Variants in SNX30 observed in about 807,000 individuals in gnomAD.
SNX30 encodes the protein sorting nexin-30.
In SNX30, 24 loss-of-function variants were observed where a neutral mutation model predicts 46.4. The observed-to-expected ratio is 0.52, with a 90% CI of 0.37 to 0.73. SNX30 has a LOEUF of 0.73. Ranked by LOEUF, SNX30 falls within the 30% of genes least tolerant of loss-of-function variation. The pLI, the probability that SNX30 is intolerant of heterozygous loss-of-function variation, is 0.00. For synonymous variants in SNX30, 189 were observed against 211.5 expected (o/e 0.89, Z 0.92); for missense variants, 533 against 555.7 (o/e 0.96, Z 0.41).
At chr9:112,817,670 C>A (rs751822801) in intron 2 of SNX30, 35 bp from the exon 3 acceptor site, 1 of 1,269,162 alleles carries the variant, frequency 7.9e-7, no homozygotes, top group East Asian at 2.3e-5. Context: ...ATGCTATTCC[C>A]TTATGCTTAT....
intron 4 of SNX30, among the ~76,000 whole-genome samples, chr9:112,834,733 G>A (rs1423190682): frequency 6.6e-6 from 1 of 152,138 alleles, no homozygotes; most frequent in African/African-American, 2.4e-5. Flanking sequence ...GAAGGACAGA[G>A]AGATTCTGTT....
intron 1 of SNX30, among the ~76,000 whole-genome samples, chr9:112,771,866 C>T (rs1291071528): frequency 6.6e-6 from 1 of 152,178 alleles, no homozygotes; most frequent in Non-Finnish European, 1.5e-5. Flanking sequence ...CAAATCTGTT[C>T]AGGTCAAATA....
intron 2 of SNX30, among the ~76,000 whole-genome samples, chr9:112,809,513 C>G (rs1230856340): frequency 6.6e-6 from 1 of 151,938 alleles, no homozygotes; most frequent in African/African-American, 2.4e-5. Flanking sequence ...GCCTTCAATT[C>G]CCTTCAGGGT....
chr9:112,861,948 G>A (rs1841244154), intron 7 of SNX30, among the ~76,000 whole-genome samples: 1 of 152,162 alleles, frequency 6.6e-6, no homozygotes, highest in South Asian at 2.1e-4. Flanking sequence ...ACGATATCTT[G>A]CCTCAGTGTC....
chr9:112,842,455 G>A (rs1840874706), intron 6 of SNX30, among the ~76,000 whole-genome samples: 1 of 152,242 alleles, frequency 6.6e-6, no homozygotes, highest in South Asian at 2.1e-4. Flanking sequence ...GTCCCTCCCT[G>A]GATGGGAAAA....
At chr9:112,868,225 A>G (rs1841391272) in intron 8 of SNX30, among the ~76,000 whole-genome samples, 1 of 152,228 alleles carries the variant, frequency 6.6e-6, no homozygotes, top group South Asian at 2.1e-4. Flanking sequence ...TTTGGACATA[A>G]TAAAACTCAA....
chr9:112,760,498 G>A (rs1431076221), intron 1 of SNX30, among the ~76,000 whole-genome samples: 1 of 152,154 alleles, frequency 6.6e-6, no homozygotes, highest in African/African-American at 2.4e-5. Flanking sequence ...GGATGATGGG[G>A]GAAAGAATGT....
chr9:112,782,117 A>C (rs1459483056), intron 1 of SNX30, among the ~76,000 whole-genome samples: 1 of 151,882 alleles, frequency 6.6e-6, no homozygotes, highest in African/African-American at 2.4e-5. Flanking sequence ...TCCAGGCTGG[A>C]GTGCAATGGT....
intron 1 of SNX30, among the ~76,000 whole-genome samples, chr9:112,770,229 T>C (rs1297178278): frequency 6.6e-6 from 1 of 152,088 alleles, no homozygotes; most frequent in Non-Finnish European, 1.5e-5. Flanking sequence ...TGGAGTGTTG[T>C]GGTGCGGTTT....
chr9:112,818,660 G>A (rs1311104519), intron 3 of SNX30, among the ~76,000 whole-genome samples: 1 of 152,174 alleles, frequency 6.6e-6, no homozygotes, highest in African/African-American at 2.4e-5. Flanking sequence ...CCTCAGAGGG[G>A]CTGATTTATC....
intron 1 of SNX30, among the ~76,000 whole-genome samples, chr9:112,784,912 C>T (rs1481050550): frequency 6.6e-6 from 1 of 152,186 alleles, no homozygotes; most frequent in Non-Finnish European, 1.5e-5. Flanking sequence ...GGCTCCCTTT[C>T]CTCCACATCT....
At chr9:112,754,354 T>C (rs1839317698) in intron 1 of SNX30, among the ~76,000 whole-genome samples, 1 of 151,506 alleles carries the variant, frequency 6.6e-6, no homozygotes, top group Non-Finnish European at 1.5e-5. Context: ...CCTTTCTATC[T>C]ACCAGAGGTT....
intron 6 of SNX30, among the ~76,000 whole-genome samples, chr9:112,849,662 C>A (rs1408520429): frequency 6.6e-6 from 1 of 152,158 alleles, no homozygotes; most frequent in Non-Finnish European, 1.5e-5. Context: ...TTGAGGTTTC[C>A]GGTATTGACA....
At chr9:112,876,004 A>T (rs1364122653), downstream of SNX30, 1 of 152,060 alleles carries the variant, frequency 6.6e-6, no homozygotes, top group African/African-American at 2.4e-5. Flanking sequence ...CCAGGCTGGT[A>T]TTGAACTCCT....
intron 3 of SNX30, among the ~76,000 whole-genome samples, chr9:112,827,764 G>A (rs1349526835): frequency 1.3e-5 from 2 of 152,190 alleles, no homozygotes; most frequent in African/African-American, 4.8e-5. Flanking sequence ...GGAGTTAAAT[G>A]CTTGTGTTTA....
At chr9:112,876,661 G>T (rs891371969), downstream of SNX30, among the ~76,000 whole-genome samples, 4 of 151,744 alleles carry the variant, frequency 2.6e-5, no homozygotes, top group South Asian at 2.1e-4. Context: ...TACAGGCAGG[G>T]TGCAATGGCT....
chr9:112,866,426 A>C, intron 8 of SNX30: 1 of 470,658 alleles, frequency 2.1e-6, no homozygotes, highest in South Asian at 1.5e-5. Flanking sequence ...AGTTTGGTAC[A>C]TTTGAGGACC....
chr9:112,840,231 G>C (rs1340713106), intron 6 of SNX30, among the ~76,000 whole-genome samples: 1 of 152,218 alleles, frequency 6.6e-6, no homozygotes, highest in East Asian at 1.9e-4. Flanking sequence ...GTGGTGATAG[G>C]ATAAAGTCAG....
chr9:112,857,575 C>T (rs1221429681), intron 7 of SNX30, among the ~76,000 whole-genome samples: 1 of 152,166 alleles, frequency 6.6e-6, no homozygotes, highest in Non-Finnish European at 1.5e-5. Flanking sequence ...CACGAGCTCC[C>T]CTTTCCTCCA....
Sources: gnomAD v4.1 joint callset for allele counts (sites outside exome capture counted in the v4.1 genomes callset) on GRCh38, gnomAD v4.1.1 for gene constraint, MANE v1.5 for transcripts, NCBI Gene and HGNC (gene_info 2026-07-23, HGNC 2026-07-21) for gene names.